CADPS2: variants seen among roughly 807,000 people sequenced by gnomAD.
The protein encoded by CADPS2 is calcium-dependent secretion activator 2.
Under a neutral mutation model 172.5 loss-of-function variants are expected in CADPS2, and 93 were observed. That is an observed-to-expected ratio of 0.54 (90% CI 0.46 to 0.64). The LOEUF (loss-of-function observed/expected upper bound fraction) is 0.64, where lower values mean the gene tolerates loss of function less well. CADPS2 is among the 30% of genes least tolerant of loss of function. CADPS2 has a pLI of 0.00. For missense variants in CADPS2, 1,420 were observed against 1,565.9 expected, an observed-to-expected ratio of 0.91 and a Z score of 1.57; for synonymous variants, 546 against 555.2, an observed-to-expected ratio of 0.98 and a Z score of 0.23.
chr7:122,355,084 G>T (rs1275945290), intron 27 of CADPS2, among the ~76,000 whole-genome samples: 5 of 152,008 alleles, frequency 3.3e-5, no homozygotes, highest in African/African-American at 1.2e-4. Flanking sequence ...ATGTTACAAA[G>T]ATACAAAAGA....
At chr7:122,715,465 G>A (rs1001310198) in intron 2 of CADPS2, among the ~76,000 whole-genome samples, 7 of 152,026 alleles carry the variant, frequency 4.6e-5, no homozygotes, top group Non-Finnish European at 1.0e-4. Context: ...CAGGATTTCC[G>A]TGCCTTGTAA....
rs556559515 is a variant in CADPS2 at position 122,400,547 on chromosome 7, T to C, written c.2747-6965A>G. ...TGAGGGGAAAAAGGTAGTGACTCCT[T>C]GCTTTTATATTTCATTTACCATACT... On this transcript the variant is annotated intron_variant, in intron 20 of 29. Transcript: ENST00000449022. Among the ~76,000 whole-genome samples the C allele has an allele frequency of 2.0e-5, 3 of 152,320 alleles. No homozygotes were observed. The South Asian group carries it at 6.2e-4, about 32-fold the overall frequency.
At chr7:122,363,233 C>T (rs2040417038) in intron 25 of CADPS2, among the ~76,000 whole-genome samples, 2 of 152,196 alleles carry the variant, frequency 1.3e-5, no homozygotes, top group Admixed American at 1.3e-4. Flanking sequence ...GTGGAAAATG[C>T]CTCATCTCTT....
intron 9 of CADPS2, among the ~76,000 whole-genome samples, chr7:122,501,874 C>CAA (rs1173009562): frequency 0.015 from 618 of 40,756 alleles, 6 homozygotes; most frequent in African/African-American, 0.031. Context: ...GACTCCGTCT[C>CAA]AAAAAAAAAA....
chr7:122,513,082 C>T (rs983664224), intron 9 of CADPS2, among the ~76,000 whole-genome samples, 167 bp downstream of exon 9: 7 of 152,142 alleles, frequency 4.6e-5, no homozygotes, highest in Non-Finnish European at 7.4e-5. Context: ...AGTTATTTTA[C>T]ATAAAAACTT....
chr7:122,685,075 A>G (rs776828079), intron 2 of CADPS2, among the ~76,000 whole-genome samples: 44 of 152,134 alleles, frequency 2.9e-4, no homozygotes, highest in Non-Finnish European at 3.1e-4. Flanking sequence ...GATGGCAACT[A>G]CATGTGGAAT....
chr7:122,589,363 A>G (rs924582195), intron 6 of CADPS2, among the ~76,000 whole-genome samples: 4 of 151,984 alleles, frequency 2.6e-5, no homozygotes, highest in African/African-American at 9.7e-5. Context: ...TAAAACACTA[A>G]AAGACTTATA....
Position 122,737,055 on chromosome 7 carries a change from T to G in CADPS2, c.353A>C (p.Gln118Pro). ...GAACCGTTCTTTCAGTAACTGCAACTGTTGTTTGTTAAGCTACAAGAAAAA... is the reference window on the plus strand; with the variant it reads ...GAACCGTTCTTTCAGTAACTGCAACGGTTGTTTGTTAAGCTACAAGAAAAA... Reference protein sequence around the residue: ...ARRQQKLNKQQLQLLKERFQA... With the variant: ...ARRQQKLNKQPLQLLKERFQA... The change falls in exon 2 of 30, where the codon CAG becomes CCG. Residue 118 changes from glutamine (Q) to proline (P), a missense_variant. Transcript: ENST00000449022. The G allele has an allele frequency of 6.3e-7, 1 of 1,593,962 alleles. No homozygotes were observed. The highest frequency in any genetic ancestry group is 8.6e-7 in the Non-Finnish European group (1 of 1,162,422).
chr7:122,752,428 A>G (rs1232473984), intron 1 of CADPS2, among the ~76,000 whole-genome samples: 1 of 152,208 alleles, frequency 6.6e-6, no homozygotes, highest in East Asian at 1.9e-4. Context: ...AAATTTGGCA[A>G]TAAGGTAGAA....
intron 1 of CADPS2, among the ~76,000 whole-genome samples, chr7:122,838,071 C>T (rs1261572481): frequency 2.0e-5 from 3 of 152,172 alleles, no homozygotes; most frequent in Non-Finnish European, 4.4e-5. Flanking sequence ...CATCAAAAAG[C>T]TTATCCACCA....
In CADPS2 at chr7:122,379,423, A is replaced by G. The variant is rs1200472741; in HGVS notation, c.3332T>C (p.Ile1111Thr). Residue 1111 changes from isoleucine to threonine, a missense_variant, in exon 25 of 30, where the codon ATA becomes ACA. Physicochemically the swap from Ile to Thr is moderately conservative, Grantham distance 89. Transcript: ENST00000449022. ...TACACTGTTGTCGATCAGATCATCT[A>G]TTTTTGAATGGTACTGTTGCTAGAT... ...GGQEQQYHSKIDDLIDNSVKE... is the reference protein window; with the variant it reads ...GGQEQQYHSKTDDLIDNSVKE... The G allele has an allele frequency of 2.5e-6, 4 of 1,603,436 alleles. No homozygotes were observed. The highest frequency in any genetic ancestry group is 3.4e-5 in the Admixed American group (2 of 59,456).
rs552904083 is a variant in CADPS2, at chr7:122,848,510, C to T, written c.339+37489G>A. Among the ~76,000 whole-genome samples the T allele has an allele frequency of 2.6e-5, 4 of 152,274 alleles. No homozygotes were observed. The South Asian group carries it at 8.3e-4, about 32-fold the overall frequency. On this transcript the variant is annotated intron_variant, in intron 1 of 29. Coordinates refer to ENST00000449022, the MANE Select transcript of CADPS2 (RefSeq NM_017954.11). ...CCAAAGGCTCTAAAATATTCAAGATCAGATGCTATCAGTATCTGTCCCTGG... is the reference window on the plus strand; with the variant it reads ...CCAAAGGCTCTAAAATATTCAAGATTAGATGCTATCAGTATCTGTCCCTGG...
chr7:122,738,482 A>C (rs1169567745), intron 1 of CADPS2, among the ~76,000 whole-genome samples: 2 of 152,098 alleles, frequency 1.3e-5, no homozygotes, highest in Non-Finnish European at 2.9e-5. Context: ...ATACATAAGA[A>C]ACAGCAAAGG....
At chr7:122,784,148 CTATT>C (rs1432046998) in intron 1 of CADPS2, among the ~76,000 whole-genome samples, 4 of 152,264 alleles carry the variant, frequency 2.6e-5, no homozygotes, top group East Asian at 1.9e-4. Flanking sequence ...CCATGACCCA[CTATT>C]TATCATCTCA....
intron 28 of CADPS2, among the ~76,000 whole-genome samples, chr7:122,329,368 G>A (rs774439612): frequency 2.0e-5 from 3 of 152,100 alleles, no homozygotes; most frequent in Non-Finnish European, 2.9e-5. Flanking sequence ...CAGCTGAGCC[G>A]GGCGGGATCC....
chr7:122,413,814 A>G (rs1477431913), intron 19 of CADPS2, among the ~76,000 whole-genome samples: 8 of 152,228 alleles, frequency 5.3e-5, no homozygotes, highest in Non-Finnish European at 1.2e-4. Context: ...AAAGACACAA[A>G]CCAAATATCA....
intron 1 of CADPS2, among the ~76,000 whole-genome samples, chr7:122,854,343 C>G (rs1477922301): frequency 6.6e-6 from 1 of 152,026 alleles, no homozygotes; most frequent in African/African-American, 2.4e-5. Context: ...TGCGCTCCAG[C>G]CTGGGTGACA....
At chr7:122,497,844 T>C (rs149900358) in intron 9 of CADPS2, among the ~76,000 whole-genome samples, 1 of 152,354 alleles carries the variant, frequency 6.6e-6, no homozygotes, top group African/African-American at 2.4e-5. Flanking sequence ...TTTAGTTACT[T>C]ACATAGTGTT....
intron 28 of CADPS2, among the ~76,000 whole-genome samples, chr7:122,343,124 C>T (rs2037034204): frequency 6.6e-6 from 1 of 152,128 alleles, no homozygotes. Flanking sequence ...TTAGTATCCC[C>T]TCATACATGT....
Sources: allele counts gnomAD v4.1 joint callset (sites outside exome capture counted in the v4.1 genomes callset), GRCh38; gene constraint gnomAD v4.1.1; transcripts MANE v1.5; gene names NCBI Gene and HGNC (gene_info 2026-07-23, HGNC 2026-07-21).